The following EXOC4 variants were observed in gnomAD, a reference collection of about 807,000 sequenced individuals.
EXOC4 encodes the protein exocyst complex component 4, also known as SEC8-like 1.
EXOC4 carries 71 observed loss-of-function variants against 107.2 expected under a neutral mutation model. That is an observed-to-expected ratio of 0.66 (90% CI 0.55 to 0.81). The LOEUF (loss-of-function observed/expected upper bound fraction) is 0.81, where lower values mean the gene tolerates loss of function less well. EXOC4 is among the 30% of genes least tolerant of loss of function. The pLI is 0.00. For synonymous variants in EXOC4, 456 were observed against 441.2 expected (o/e 1.03, Z -0.42); for missense variants, 1,108 against 1,189.6 (o/e 0.93, Z 1.01).
intron 9 of EXOC4, among the ~76,000 whole-genome samples, chr7:133,600,102 A>C (rs2150986234): frequency 6.6e-6 from 1 of 152,054 alleles, no homozygotes; most frequent in Non-Finnish European, 1.5e-5. Context: ...GGGTTTCACC[A>C]TGTTGCCCAG....
intron 3 of EXOC4, among the ~76,000 whole-genome samples, chr7:133,296,944 A>G (rs1487132424): frequency 2.0e-5 from 3 of 152,190 alleles, no homozygotes; most frequent in East Asian, 1.9e-4. Context: ...GACATTCTCC[A>G]GGTAATGCCA....
chr7:133,856,560 A>C (rs1364281180), intron 11 of EXOC4, among the ~76,000 whole-genome samples: 3 of 152,152 alleles, frequency 2.0e-5, no homozygotes, highest in African/African-American at 7.2e-5. Flanking sequence ...AGAGAGAGAA[A>C]ATGTGTTGAA....
At chr7:133,986,526 G>A (rs949538676) in intron 14 of EXOC4, among the ~76,000 whole-genome samples, 13 of 152,258 alleles carry the variant, frequency 8.5e-5, no homozygotes, top group Admixed American at 3.3e-4. Flanking sequence ...TTAGTTTGGC[G>A]TAATGACTTA....
At chr7:133,849,392 C>A (rs1425347739) in intron 11 of EXOC4, among the ~76,000 whole-genome samples, 4 of 151,862 alleles carry the variant, frequency 2.6e-5, no homozygotes, top group African/African-American at 9.7e-5. Context: ...TGTGCTCCAG[C>A]CTGGTGATAG....
intron 9 of EXOC4, among the ~76,000 whole-genome samples, chr7:133,521,485 G>C (rs1027267476): frequency 6.6e-6 from 1 of 152,126 alleles, no homozygotes; most frequent in Non-Finnish European, 1.5e-5. Flanking sequence ...TGTAGTCTTT[G>C]AAATTTGTAT....
At chr7:133,254,749 A>G (rs1202924459) in intron 1 of EXOC4, among the ~76,000 whole-genome samples, 2 of 152,206 alleles carry the variant, frequency 1.3e-5, no homozygotes, top group Non-Finnish European at 2.9e-5. Flanking sequence ...ATGATGACAT[A>G]AGACTACGAG....
chr7:133,980,569 T>G (rs1350477317), intron 14 of EXOC4, among the ~76,000 whole-genome samples: 2 of 152,224 alleles, frequency 1.3e-5, no homozygotes, highest in Non-Finnish European at 2.9e-5. Flanking sequence ...TGGTTGTCAA[T>G]CCAAAAGAAG....
intron 10 of EXOC4, among the ~76,000 whole-genome samples, chr7:133,632,927 C>A (rs1802624120): frequency 6.6e-6 from 1 of 152,108 alleles, no homozygotes; most frequent in Admixed American, 6.5e-5. Flanking sequence ...ATGGGAGAGG[C>A]AGTGCAGAAG....
intron 10 of EXOC4, among the ~76,000 whole-genome samples, chr7:133,747,098 A>G (rs1795693072): frequency 6.6e-6 from 1 of 152,182 alleles, no homozygotes; most frequent in South Asian, 2.1e-4. Flanking sequence ...AAAAACATCC[A>G]CTTCTCTGAA....
intron 9 of EXOC4, among the ~76,000 whole-genome samples, chr7:133,548,589 A>G (rs984568496): frequency 2.6e-5 from 4 of 152,224 alleles, no homozygotes; most frequent in South Asian, 2.1e-4. Context: ...TAGCTTCTAC[A>G]TTAGCACTTG....
chr7:133,463,505 T>C (rs1174356825), intron 7 of EXOC4, among the ~76,000 whole-genome samples: 1 of 152,146 alleles, frequency 6.6e-6, no homozygotes, highest in African/African-American at 2.4e-5. Flanking sequence ...AGAGGGATAA[T>C]TGGGAATCAT....
chr7:133,589,831 G>C (rs1801498053), intron 9 of EXOC4, among the ~76,000 whole-genome samples: 1 of 152,142 alleles, frequency 6.6e-6, no homozygotes, highest in Admixed American at 6.5e-5. Context: ...TTTATAAACT[G>C]CTGATTTCTT....
chr7:133,457,368 T>C (rs1798487118), intron 7 of EXOC4, among the ~76,000 whole-genome samples: 5 of 152,168 alleles, frequency 3.3e-5, no homozygotes, highest in Admixed American at 3.3e-4. Flanking sequence ...GACATTTTTG[T>C]ACTGAGAAAT....
chr7:133,817,389 T>C lies in EXOC4; in HGVS notation c.1579T>C (p.Phe527Leu). Residue 527 changes from phenylalanine (F) to leucine (L), a missense_variant, in exon 11 of 18, where the codon TTT (phenylalanine) becomes CTT (leucine). Phe to Leu is a conservative substitution (Grantham distance 22). Transcript: ENST00000253861. The part of the protein sequence containing the change: ...GPAKQCPLRE[F>L]LTVYIKNIFL... ...AGCCAAACAGTGTCCTCTTCGAGAG[T>C]TTCTCACCGTGTACATCAAAAACAT... The C allele has an allele frequency of 6.2e-7, 1 of 1,614,060 alleles. No individual in the cohort carries two copies. The highest frequency in any genetic ancestry group is 1.1e-5 in the South Asian group (1 of 91,066).
At chr7:133,425,545 C>G (rs1195505164) in intron 7 of EXOC4, among the ~76,000 whole-genome samples, 2 of 152,154 alleles carry the variant, frequency 1.3e-5, no homozygotes, top group South Asian at 2.1e-4. Flanking sequence ...CCTCAGCCTC[C>G]CAAAGTGCTG....
chr7:133,998,449 A>G (rs1195761334), intron 15 of EXOC4, among the ~76,000 whole-genome samples: 1 of 152,186 alleles, frequency 6.6e-6, no homozygotes, highest in African/African-American at 2.4e-5. Context: ...ATCAGTCTGT[A>G]CAAAGACCTA....
intron 9 of EXOC4, among the ~76,000 whole-genome samples, chr7:133,530,297 A>T (rs1263386014): frequency 2.0e-5 from 3 of 152,208 alleles, no homozygotes; most frequent in Non-Finnish European, 4.4e-5. Flanking sequence ...TCACTTAATG[A>T]TGGAGACACA....
intron 7 of EXOC4, among the ~76,000 whole-genome samples, chr7:133,386,940 A>G (rs1382557803): frequency 6.6e-6 from 1 of 152,114 alleles, no homozygotes; most frequent in Non-Finnish European, 1.5e-5. Context: ...ATTGAACCCC[A>G]TTATTTGGTC....
At chr7:133,688,787 T>A (rs957427890) in intron 10 of EXOC4, among the ~76,000 whole-genome samples, 2 of 152,152 alleles carry the variant, frequency 1.3e-5, no homozygotes, top group African/African-American at 2.4e-5. Flanking sequence ...TGTTGACATT[T>A]ATATTACACT....
Sources: gnomAD v4.1 joint callset for allele counts (sites outside exome capture counted in the v4.1 genomes callset) on GRCh38, gnomAD v4.1.1 for gene constraint, MANE v1.5 for transcripts, NCBI Gene and HGNC (gene_info 2026-07-23, HGNC 2026-07-21) for gene names.